Variants in PCNX2 observed in about 807,000 individuals in gnomAD.
PCNX2 encodes the protein pecanex-like protein 2.
Under a neutral mutation model 223.8 loss-of-function variants are expected in PCNX2, and 168 were observed. The observed-to-expected ratio is 0.75, with a 90% CI of 0.66 to 0.85. The LOEUF (loss-of-function observed/expected upper bound fraction) is 0.85, where lower values mean the gene tolerates loss of function less well. PCNX2 is among the 40% of genes least tolerant of loss of function. The pLI, the probability that PCNX2 is intolerant of heterozygous loss-of-function variation, is 0.00. For synonymous variants in PCNX2, 1,006 were observed against 1,052.6 expected (o/e 0.96, Z 0.86); for missense variants, 2,507 against 2,675.5 (o/e 0.94, Z 1.39).
chr1:233,218,071 A>G lies in PCNX2; in HGVS notation c.2618T>C (p.Phe873Ser). 6.3e-7 allele frequency: 1 copy of G among 1,595,760 alleles called. No homozygotes were observed. Among genetic ancestry groups the G allele is most frequent in the Non-Finnish European group, 8.5e-7 (1 of 1,170,896 alleles). The change falls in exon 11 of 34, where the codon TTC (phenylalanine) becomes TCC (serine). Residue 873 changes from phenylalanine to serine, a missense_variant. Physicochemically the swap from Phe to Ser is radical, Grantham distance 155. Coordinates refer to ENST00000258229, the MANE Select transcript of PCNX2 (RefSeq NM_014801.4). ...GFCKDMWVLL[F>S]CLVMASCQYS... ...CTGGCAGCTGGCCATGACGAGGCAG[A>G]AGAGGAGCACCCACATATCTTTGCA...
chr1:233,227,834 C>G (rs1384525431), intron 9 of PCNX2, among the ~76,000 whole-genome samples: 25 of 151,910 alleles, frequency 1.6e-4, no homozygotes, highest in Admixed American at 1.6e-3. Flanking sequence ...ATTGGTGAAG[C>G]CTGCTATAAG....
the PCNX2 span, among the ~76,000 whole-genome samples, chr1:233,315,604 A>C: frequency 8.6e-3 from 1,317 of 152,306 alleles, 27 homozygotes; most frequent in African/African-American, 0.03. Context: ...ACACCTCCCA[A>C]AAATAGACCT....
Position 233,025,265 on chromosome 1 carries a change from T to A in PCNX2, c.4486A>T (p.Thr1496Ser). ...CNAAFHLRWL[T>S]WEITQTQYIL... Reference sequence around the variant, plus strand: ...TACTGGGTCTGCGTGATTTCCCAGGTGAGCCAGCGGAGGTGAAAGGCAGCG... The same window carrying A: ...TACTGGGTCTGCGTGATTTCCCAGGAGAGCCAGCGGAGGTGAAAGGCAGCG... The change falls in exon 26 of 34, where the codon ACC (threonine) becomes TCC (serine). Residue 1496 changes from threonine to serine, a missense_variant. By Grantham distance (58) the Thr-to-Ser change is moderately conservative (BLOSUM62 1). This residue lies in a region of PCNX2 where 1,372 missense variants were observed against 1,509.4 expected (regional missense o/e 0.91). Coordinates refer to ENST00000258229, the MANE Select transcript of PCNX2 (RefSeq NM_014801.4). 1 of 1,614,022 alleles carries A rather than the reference T, an allele frequency of 6.2e-7. No homozygotes were observed. Among genetic ancestry groups the A allele is most frequent in the Non-Finnish European group, 8.5e-7 (1 of 1,179,900 alleles).
At chr1:233,218,878 T>C (rs1031036586) in intron 10 of PCNX2, among the ~76,000 whole-genome samples, 1 of 152,148 alleles carries the variant, frequency 6.6e-6, no homozygotes, top group Non-Finnish European at 1.5e-5. Context: ...GTAAGGGGGA[T>C]GCATTCACAC....
chr1:233,182,579 A>C (rs1304983677), intron 15 of PCNX2, among the ~76,000 whole-genome samples: 1 of 151,028 alleles, frequency 6.6e-6, no homozygotes. Flanking sequence ...AATGAAATCT[A>C]CTCCACAGGC....
chr1:233,176,804 G>A (rs532067771), intron 17 of PCNX2, among the ~76,000 whole-genome samples: 2 of 152,180 alleles, frequency 1.3e-5, no homozygotes, highest in Middle Eastern at 3.2e-3. Flanking sequence ...ACGTGGTCAG[G>A]AGATCGAGAC....
intron 13 of PCNX2, among the ~76,000 whole-genome samples, chr1:233,207,731 A>G (rs1245373053): frequency 6.6e-6 from 1 of 152,210 alleles, no homozygotes; most frequent in Non-Finnish European, 1.5e-5. Context: ...TTGGCTCCAG[A>G]GTCAGGGCTC....
intron 19 of PCNX2, among the ~76,000 whole-genome samples, chr1:233,141,737 A>G (rs1388389921): frequency 2.7e-5 from 4 of 149,762 alleles, no homozygotes; most frequent in African/African-American, 7.5e-5. Flanking sequence ...AAATGTGTAT[A>G]TATATATATG....
At chr1:233,162,376 T>A (rs555951472) in intron 17 of PCNX2, among the ~76,000 whole-genome samples, 1 of 152,314 alleles carries the variant, frequency 6.6e-6, no homozygotes, top group East Asian at 1.9e-4. Flanking sequence ...CTTTCTCATA[T>A]CGAAGGGATT....
chr1:233,052,991 T>C (rs55914655), intron 25 of PCNX2, among the ~76,000 whole-genome samples: 2,883 of 151,804 alleles, frequency 0.019, 55 homozygotes, highest in Non-Finnish European at 0.026. Context: ...ATCATCTGCT[T>C]GGGTGTCCAC....
At chr1:233,082,576 A>G (rs1198555994) in intron 23 of PCNX2, among the ~76,000 whole-genome samples, 3 of 152,214 alleles carry the variant, frequency 2.0e-5, no homozygotes, top group Non-Finnish European at 1.5e-5. Context: ...CCTCCCTGGC[A>G]TAACTTTAAA....
At chr1:233,234,508 C>T (rs1020994944) in intron 9 of PCNX2, among the ~76,000 whole-genome samples, 8 of 152,086 alleles carry the variant, frequency 5.3e-5, no homozygotes, top group East Asian at 1.9e-4. Flanking sequence ...TATGCATCAT[C>T]GTGACATTTA....
At chr1:233,160,136 G>T in intron 19 of PCNX2, 147 bp downstream of exon 19, 2 of 839,594 alleles carry the variant, frequency 2.4e-6, no homozygotes, top group South Asian at 2.1e-5. Context: ...TTTTATTGTG[G>T]TAAAATACAC....
intron 26 of PCNX2, among the ~76,000 whole-genome samples, chr1:233,017,529 G>T (rs1323729579): frequency 6.6e-6 from 1 of 151,986 alleles, no homozygotes; most frequent in Non-Finnish European, 1.5e-5. Context: ...TGTTAGCCAG[G>T]ATGGTCTCGA....
intron 28 of PCNX2, among the ~76,000 whole-genome samples, chr1:233,004,140 TA>T (rs570481594): frequency 5.6e-4 from 81 of 145,190 alleles, no homozygotes; most frequent in South Asian, 3.9e-3. Flanking sequence ...AAAGTATAAT[TA>T]AAAAAAAAAA....
intron 23 of PCNX2, among the ~76,000 whole-genome samples, chr1:233,069,137 G>A (rs1468974568): frequency 6.6e-6 from 1 of 152,130 alleles, no homozygotes; most frequent in East Asian, 1.9e-4. Context: ...TGTATGATAG[G>A]ACGGTTGATC....
rs1657670096 is a variant in PCNX2, at chr1:233,225,705, T to C, written c.2504+1521A>G. On this transcript the variant is annotated intron_variant, in intron 10 of 33. Transcript: ENST00000258229. ...GATTTTAAAATAACAGACAAATCTA[T>C]AGATACATTTATTTTTGTTTTGACA... 2.6e-5 allele frequency among the ~76,000 whole-genome samples: 4 copies of C among 152,362 alleles called. No homozygotes were observed. In the South Asian group the frequency reaches 8.3e-4, roughly 32 times the overall value.
the PCNX2 span, among the ~76,000 whole-genome samples, chr1:233,301,795 C>CTT: frequency 0.52 from 68,925 of 132,226 alleles, 18,665 homozygotes; most frequent in East Asian, 0.7. Flanking sequence ...AGGGAACAAG[C>CTT]TTTTTTTTTT....
At chr1:233,117,447 C>T (rs2102986443) in intron 21 of PCNX2, among the ~76,000 whole-genome samples, 1 of 151,136 alleles carries the variant, frequency 6.6e-6, no homozygotes, top group East Asian at 2.0e-4. Context: ...CTGGCTAACA[C>T]AGTGAAACCC....
Sources: allele counts gnomAD v4.1 joint callset (sites outside exome capture counted in the v4.1 genomes callset), GRCh38; gene constraint gnomAD v4.1.1; regional missense constraint gnomAD v4.1.1; transcripts MANE v1.5; gene names NCBI Gene and HGNC (gene_info 2026-07-23, HGNC 2026-07-21).